The following VAT1L variants were observed in gnomAD, a reference collection of about 807,000 sequenced individuals.
The protein encoded by VAT1L is putative NADPH-dependent quinone oxidoreductase VAT1L.
In VAT1L, 34 loss-of-function variants were observed where a neutral mutation model predicts 44.1. The ratio of observed to expected loss-of-function variants is 0.77; its 90% CI spans 0.59 to 1.03. The LOEUF (loss-of-function observed/expected upper bound fraction) is 1.03, where lower values mean the gene tolerates loss of function less well. Among genes scored for constraint, VAT1L ranks in the 50% least tolerant of loss-of-function variants. The pLI is 0.00. For synonymous variants in VAT1L, 253 were observed against 202.2 expected (o/e 1.25, Z -2.13); for missense variants, 615 against 538.8 (o/e 1.14, Z -1.40).
chr16:77,846,318 G>A (rs181002265), intron 3 of VAT1L, among the ~76,000 whole-genome samples: 267 of 152,220 alleles, frequency 1.8e-3, no homozygotes, highest in African/African-American at 6.0e-3. Context: ...AGCAGGTTCC[G>A]CTTGATCCCT....
chr16:77,940,899 C>A (rs577617583), intron 7 of VAT1L, among the ~76,000 whole-genome samples: 2 of 152,220 alleles, frequency 1.3e-5, no homozygotes, highest in South Asian at 4.1e-4. Context: ...AGATTAAAGT[C>A]TCAGTGAGGT....
intron 7 of VAT1L, among the ~76,000 whole-genome samples, chr16:77,942,358 G>C (rs113059489): frequency 1.3e-5 from 2 of 152,010 alleles, no homozygotes; most frequent in African/African-American, 2.4e-5. Context: ...TCCCTCCCAC[G>C]ATATGGAAAT....
chr16:77,907,266 A>T (rs1405213431), intron 7 of VAT1L, among the ~76,000 whole-genome samples: 3 of 152,218 alleles, frequency 2.0e-5, no homozygotes, highest in Non-Finnish European at 4.4e-5. Context: ...CTCCAGTTCC[A>T]CAGAGTTGGC....
chr16:77,843,295 GC>G (rs1453045964), intron 3 of VAT1L, among the ~76,000 whole-genome samples: 1 of 152,100 alleles, frequency 6.6e-6, no homozygotes, highest in Non-Finnish European at 1.5e-5. Context: ...CAGTGGGAGG[GC>G]AGGGGTGAAG....
intron 7 of VAT1L, among the ~76,000 whole-genome samples, chr16:77,904,537 G>A (rs549274282): frequency 6.6e-6 from 1 of 152,214 alleles, no homozygotes; most frequent in East Asian, 1.9e-4. Flanking sequence ...CTTCTTATAA[G>A]GGCACTAATC....
chr16:77,864,604 T>C (rs147130132), intron 4 of VAT1L, among the ~76,000 whole-genome samples: 1 of 152,218 alleles, frequency 6.6e-6, no homozygotes, highest in East Asian at 1.9e-4. Context: ...CAAGAGCCTG[T>C]CTCAAAAGGG....
intron 7 of VAT1L, among the ~76,000 whole-genome samples, chr16:77,967,916 G>T (rs147344715): frequency 1.4e-3 from 209 of 152,242 alleles, no homozygotes; most frequent in Non-Finnish European, 2.0e-3. Context: ...AACTGGGAAA[G>T]AGCTTTAGTT....
At chr16:77,963,527 G>T (rs761487883) in intron 7 of VAT1L, among the ~76,000 whole-genome samples, 2 of 152,124 alleles carry the variant, frequency 1.3e-5, no homozygotes, top group Non-Finnish European at 2.9e-5. Flanking sequence ...AGAACGGTAA[G>T]ATAATAAATT....
At chr16:77,836,575 T>G (rs1432755032) in intron 3 of VAT1L, among the ~76,000 whole-genome samples, 1 of 152,204 alleles carries the variant, frequency 6.6e-6, no homozygotes, top group Non-Finnish European at 1.5e-5. Context: ...GAGACATTTC[T>G]GAGATATGTT....
intron 3 of VAT1L, among the ~76,000 whole-genome samples, chr16:77,845,530 A>G (rs1052033830): frequency 2.6e-5 from 4 of 152,080 alleles, no homozygotes; most frequent in South Asian, 2.1e-4. Flanking sequence ...CAACTAAACT[A>G]TATGCACCCA....
chr16:77,908,464 CA>C (rs11418351), intron 7 of VAT1L, among the ~76,000 whole-genome samples: 264 of 39,360 alleles, frequency 6.7e-3, no homozygotes, highest in African/African-American at 0.019. Context: ...GGTTCTGTCT[CA>C]AAAAAAAAAA....
intron 7 of VAT1L, among the ~76,000 whole-genome samples, chr16:77,935,002 G>A (rs999041955): frequency 6.6e-6 from 1 of 152,156 alleles, no homozygotes; most frequent in East Asian, 1.9e-4. Context: ...AGTATAGGGG[G>A]GATAAAAAGG....
intron 7 of VAT1L, among the ~76,000 whole-genome samples, chr16:77,950,981 T>C (rs2018035557): frequency 6.6e-6 from 1 of 152,224 alleles, no homozygotes; most frequent in African/African-American, 2.4e-5. Context: ...TAAGTTAGTA[T>C]GCTGGAAAGA....
At chr16:77,878,812 T>C (rs561452767) in intron 5 of VAT1L, among the ~76,000 whole-genome samples, 7 of 152,288 alleles carry the variant, frequency 4.6e-5, no homozygotes, top group South Asian at 4.2e-4. Context: ...AATCACAAAG[T>C]AGATTCACTA....
At chr16:77,799,206 G>A (rs758260883) in intron 1 of VAT1L, among the ~76,000 whole-genome samples, 11 of 149,206 alleles carry the variant, frequency 7.4e-5, no homozygotes, top group African/African-American at 2.7e-4. Flanking sequence ...TTCCTCTCCC[G>A]GTCCTCCTCC....
chr16:77,888,062 C>T (rs1378878759), intron 7 of VAT1L, among the ~76,000 whole-genome samples: 1 of 152,182 alleles, frequency 6.6e-6, no homozygotes, highest in Admixed American at 6.5e-5. Flanking sequence ...ATTTTGAACA[C>T]TCCTTTTCCC....
At chr16:77,951,046 T>G (rs2018036624) in intron 7 of VAT1L, among the ~76,000 whole-genome samples, 2 of 152,110 alleles carry the variant, frequency 1.3e-5, no homozygotes, top group Admixed American at 6.5e-5. Context: ...GCGCCCGCGG[T>G]CTTGGCAAAG....
At chr16:77,940,530 A>C (rs554542696) in intron 7 of VAT1L, among the ~76,000 whole-genome samples, 1 of 151,896 alleles carries the variant, frequency 6.6e-6, no homozygotes, top group African/African-American at 2.4e-5. Flanking sequence ...TTTTTAGTAG[A>C]GATGGGGTTT....
intron 7 of VAT1L, among the ~76,000 whole-genome samples, chr16:77,893,913 A>G (rs982380847): frequency 6.6e-6 from 1 of 152,212 alleles, no homozygotes; most frequent in African/African-American, 2.4e-5. Context: ...TAGCATGTTT[A>G]TATGTGCCAA....
Sources: gnomAD v4.1 joint callset for allele counts (sites outside exome capture counted in the v4.1 genomes callset) on GRCh38, gnomAD v4.1.1 for gene constraint, MANE v1.5 for transcripts, NCBI Gene and HGNC (gene_info 2026-07-23, HGNC 2026-07-21) for gene names.